SORCS3: variants seen among roughly 807,000 people sequenced by gnomAD.
SORCS3 encodes the protein sortilin related VPS10 domain containing receptor 3.
In SORCS3, 57 loss-of-function variants were observed where a neutral mutation model predicts 146.3. That is an observed-to-expected ratio of 0.39 (90% CI 0.31 to 0.49). SORCS3 has a LOEUF of 0.49. Among genes scored for constraint, SORCS3 ranks in the 20% least tolerant of loss-of-function variants. The pLI, the probability that SORCS3 is intolerant of heterozygous loss-of-function variation, is 0.92. For synonymous variants in SORCS3, 653 were observed against 618.5 expected (o/e 1.06, Z -0.83); for missense variants, 1,341 against 1,575.5 (o/e 0.85, Z 2.52).
chr10:105,217,034 G>T lies in SORCS3; in HGVS notation c.2646G>T (p.Val882=), dbSNP rs760638646. 6.2e-7 allele frequency: 1 copy of T among 1,614,198 alleles called. No homozygotes were observed. Among genetic ancestry groups the T allele is most frequent in the Non-Finnish European group, 8.5e-7 (1 of 1,180,024 alleles). The stretch of plus-strand genomic sequence containing the variant: ...CCATCGAGGACGGCATCAAGCACGT[G>T]TATAAGAGTGCGGGGATCTTCCAGG... The part of the protein sequence containing the change: ...FSPIEDGIKH[V]YKSAGIFQVT... Residue 882 remains valine, a synonymous_variant, in exon 19 of 27, where the codon GTG becomes GTT. Coordinates refer to ENST00000369701, the MANE Select transcript of SORCS3 (RefSeq NM_014978.3).
At chr10:104,845,621 G>C (rs2018194943) in intron 2 of SORCS3, among the ~76,000 whole-genome samples, 1 of 152,218 alleles carries the variant, frequency 6.6e-6, no homozygotes, top group African/African-American at 2.4e-5. Flanking sequence ...ACACCAAGCG[G>C]GTGTAGTCTG....
chr10:104,696,089 A>AT (rs200270411), intron 1 of SORCS3, among the ~76,000 whole-genome samples: 636 of 21,482 alleles, frequency 0.03, 6 homozygotes, highest in Non-Finnish European at 0.058. Flanking sequence ...ATATACACAT[A>AT]TATAATATAT....
chr10:105,083,308 T>C (rs1457362198), intron 5 of SORCS3, among the ~76,000 whole-genome samples: 1 of 152,146 alleles, frequency 6.6e-6, no homozygotes, highest in Admixed American at 6.5e-5. Context: ...AATTCATCTT[T>C]ACTCTTTTGC....
intron 18 of SORCS3, 57 bp downstream of exon 18, chr10:105,214,670 G>A: frequency 6.8e-7 from 1 of 1,460,922 alleles, no homozygotes; most frequent in Non-Finnish European, 9.2e-7. Flanking sequence ...ATTCCCAGAA[G>A]GGAAGAAGAA....
intron 9 of SORCS3, among the ~76,000 whole-genome samples, chr10:105,152,215 C>A (rs1161180627): frequency 6.6e-6 from 1 of 152,166 alleles, no homozygotes; most frequent in African/African-American, 2.4e-5. Flanking sequence ...ACAATAATAA[C>A]CACAGCATAC....
intron 14 of SORCS3, among the ~76,000 whole-genome samples, chr10:105,185,151 TAAAA>T (rs964855899): frequency 5.9e-5 from 9 of 152,142 alleles, no homozygotes; most frequent in Non-Finnish European, 1.2e-4. Context: ...CAGCTTTTGT[TAAAA>T]AAATAAAATA....
chr10:104,815,870 GT>G (rs199591361), intron 1 of SORCS3, among the ~76,000 whole-genome samples: 1 of 152,120 alleles, frequency 6.6e-6, no homozygotes, highest in Non-Finnish European at 1.5e-5. Flanking sequence ...ATATTCATAC[GT>G]TTTTTCCCCA....
In SORCS3 at chr10:105,243,089, C is replaced by A. The variant is rs953604429; in HGVS notation, c.2869-2453C>A. On this transcript the variant is annotated intron_variant, in intron 20 of 26. Coordinates refer to ENST00000369701, the MANE Select transcript of SORCS3 (RefSeq NM_014978.3). Reference sequence around the variant, plus strand: ...TATATATTTATATATATATATTTAGCCATTCTGTTGGGTGTTTAGAGATAT... The same window carrying A: ...TATATATTTATATATATATATTTAGACATTCTGTTGGGTGTTTAGAGATAT... 2.2e-4 allele frequency among the ~76,000 whole-genome samples: 26 copies of A among 119,106 alleles called. No individual in the cohort carries two copies. The Admixed American group carries it at 2.4e-3, about 11-fold the overall frequency. The allele number at this position is 119,106 out of a possible 152,430, so 78.1% of individuals were successfully genotyped here.
chr10:104,662,723 A>C (rs1227578680), intron 1 of SORCS3, among the ~76,000 whole-genome samples: 8 of 152,234 alleles, frequency 5.3e-5, no homozygotes, highest in Non-Finnish European at 1.2e-4. Flanking sequence ...GTTTCCAGGC[A>C]AAGAGCAAGA....
chr10:104,682,568 C>T (rs1204084082), intron 1 of SORCS3, among the ~76,000 whole-genome samples: 1 of 152,160 alleles, frequency 6.6e-6, no homozygotes, highest in African/African-American at 2.4e-5. Flanking sequence ...GGGGTGCCTC[C>T]TATGGAACTT....
intron 1 of SORCS3, among the ~76,000 whole-genome samples, chr10:104,756,037 A>G (rs1345175095): frequency 6.6e-6 from 1 of 152,156 alleles, no homozygotes; most frequent in Admixed American, 6.5e-5. Flanking sequence ...TGCCTGTTAC[A>G]TGTTGAACAT....
intron 2 of SORCS3, among the ~76,000 whole-genome samples, chr10:104,892,531 G>A (rs1331388622): frequency 3.3e-5 from 5 of 152,084 alleles, no homozygotes; most frequent in Non-Finnish European, 7.4e-5. Flanking sequence ...AAACCAGCCT[G>A]GCCAACATGG....
At chr10:105,189,223 C>A (rs2056498138) in intron 14 of SORCS3, among the ~76,000 whole-genome samples, 1 of 152,164 alleles carries the variant, frequency 6.6e-6, no homozygotes, top group Non-Finnish European at 1.5e-5. Context: ...GACTCTAGCG[C>A]CCTAGTATTT....
At chr10:104,745,037 G>A (rs370110289) in intron 1 of SORCS3, among the ~76,000 whole-genome samples, 49 of 152,320 alleles carry the variant, frequency 3.2e-4, no homozygotes, top group African/African-American at 9.9e-4. Context: ...GCTACACTTA[G>A]TATTTGTTAT....
At chr10:104,833,404 A>C (rs1368059219) in intron 1 of SORCS3, among the ~76,000 whole-genome samples, 1 of 152,150 alleles carries the variant, frequency 6.6e-6, no homozygotes, top group East Asian at 1.9e-4. Flanking sequence ...GGGAGATTCC[A>C]TGGTGAGCCT....
intron 1 of SORCS3, among the ~76,000 whole-genome samples, chr10:104,807,529 G>A (rs751643882): frequency 6.6e-6 from 1 of 152,170 alleles, no homozygotes; most frequent in African/African-American, 2.4e-5. Flanking sequence ...GAGGACATTG[G>A]AAGAAGAAAA....
At chr10:105,072,845 C>G (rs1005145044) in intron 5 of SORCS3, among the ~76,000 whole-genome samples, 1 of 151,984 alleles carries the variant, frequency 6.6e-6, no homozygotes, top group Admixed American at 6.6e-5. Context: ...GACTGATGAT[C>G]CCTTGGGAAG....
intron 1 of SORCS3, among the ~76,000 whole-genome samples, chr10:104,766,483 G>A (rs945316546): frequency 1.3e-5 from 2 of 152,214 alleles, no homozygotes; most frequent in Admixed American, 1.3e-4. Flanking sequence ...GAGCTTTGTG[G>A]GAAGAGGAGG....
At chr10:104,673,623 T>A (rs1020434497) in intron 1 of SORCS3, among the ~76,000 whole-genome samples, 3 of 151,402 alleles carry the variant, frequency 2.0e-5, no homozygotes, top group Admixed American at 6.6e-5. Context: ...AATTTTTAAA[T>A]TTTTTTTTGG....
Sources: gnomAD v4.1 joint callset for allele counts (sites outside exome capture counted in the v4.1 genomes callset) on GRCh38, gnomAD v4.1.1 for gene constraint, MANE v1.5 for transcripts, NCBI Gene and HGNC (gene_info 2026-07-23, HGNC 2026-07-21) for gene names.